CDC16: variants seen among roughly 807,000 people sequenced by gnomAD.
CDC16 encodes the protein cell division cycle protein 16 homolog.
In CDC16, 34 loss-of-function variants were observed where a neutral mutation model predicts 87.0. The ratio of observed to expected loss-of-function variants is 0.39; its 90% CI spans 0.30 to 0.52. The LOEUF (loss-of-function observed/expected upper bound fraction) is 0.52, where lower values mean the gene tolerates loss of function less well. Ranked by LOEUF, CDC16 falls within the 20% of genes least tolerant of loss-of-function variation. CDC16 has a pLI of 0.74. For synonymous variants in CDC16, 263 were observed against 260.6 expected (o/e 1.01, Z -0.09); for missense variants, 653 against 751.9 (o/e 0.87, Z 1.54).
rs764191977 is a variant in CDC16, at chr13:114,236,793, C to A, written c.104-6C>A. Reference sequence around the variant, plus strand: ...TCTGACCACTTATGTGAATTTTTCCCTCCAGAAGAACCCCAGGACATCTAT... The same window carrying A: ...TCTGACCACTTATGTGAATTTTTCCATCCAGAAGAACCCCAGGACATCTAT... On this transcript the variant is annotated splice_polypyrimidine_tract_variant and splice_region_variant and intron_variant, in intron 2 of 17. Transcript: ENST00000356221. 1 of 1,613,100 alleles carries A rather than the reference C, an allele frequency of 6.2e-7. No individual in the cohort carries two copies.
intron 16 of CDC16, chr13:114,264,747 G>C (rs959163180): frequency 3.5e-5 from 6 of 173,344 alleles, no homozygotes; most frequent in Admixed American, 3.4e-4. Context: ...TAGGATTACA[G>C]GCACCTGCTA....
At chr13:114,243,061 G>A (rs557102924) in intron 6 of CDC16, among the ~76,000 whole-genome samples, 196 bp from the exon 7 acceptor site, 3 of 152,154 alleles carry the variant, frequency 2.0e-5, no homozygotes, top group African/African-American at 4.8e-5. Context: ...TGAAAGAGTA[G>A]CCTCCACCCA....
intron 3 of CDC16, among the ~76,000 whole-genome samples, chr13:114,237,269 G>C (rs1457745001): frequency 6.6e-6 from 1 of 151,370 alleles, no homozygotes; most frequent in Non-Finnish European, 1.5e-5. Context: ...TTCCATTTCT[G>C]TTGAAATTAT....
rs761970219 is a variant in CDC16, at chr13:114,238,992, G to A, written c.204G>A (p.Leu68=). ...HALRSRKLDK[L]YEACRYLAAR... The stretch of plus-strand genomic sequence containing the variant: ...AAACAAATTAATTTCTTTCCTAGTT[G>A]TATGAAGCATGTCGTTACCTTGCAG... The change falls in exon 4 of 18, where the codon TTG becomes TTA. Residue 68 remains leucine (L), a splice_region_variant and synonymous_variant. Transcript: ENST00000356221. The A allele has an allele frequency of 2.0e-5, 32 of 1,610,760 alleles. No individual in the cohort carries two copies. The highest frequency in any genetic ancestry group is 2.4e-5 in the Non-Finnish European group (28 of 1,178,080).
chr13:114,245,271 C>CTT (rs57962178), intron 9 of CDC16, among the ~76,000 whole-genome samples: 3 of 141,862 alleles, frequency 2.1e-5, no homozygotes, highest in East Asian at 2.2e-4. Flanking sequence ...CTCCCCCCCC[C>CTT]TTTTTTTTTT....
Position 114,242,419 on chromosome 13 carries a change from A to C in CDC16, c.541+139A>C, listed in dbSNP as rs2081598364. The stretch of plus-strand genomic sequence containing the variant: ...CTACTCACTTTCTTAATGTCTTCAA[A>C]TGTAAAGCACGTTGCAGAATGCAGT... On this transcript the variant is annotated intron_variant, in intron 6 of 17. Coordinates refer to ENST00000356221, the MANE Select transcript of CDC16 (RefSeq NM_001078645.3). 8 of 743,414 alleles carry C rather than the reference A, an allele frequency of 1.1e-5. 1 individual carries two copies. In the South Asian group the frequency reaches 1.5e-4, roughly 14 times the overall value. The allele number at this position is 743,414 out of a possible 1,614,324, so 46.1% of individuals were successfully genotyped here.
At chr13:114,239,685 C>A (rs756866251) in intron 5 of CDC16, among the ~76,000 whole-genome samples, 195 bp downstream of exon 5, 1 of 152,134 alleles carries the variant, frequency 6.6e-6, no homozygotes, top group Non-Finnish European at 1.5e-5. Context: ...TAATTGTATC[C>A]GCAGATGCCT....
In CDC16 at chr13:114,247,103, G is replaced by C. The variant is rs951876657; in HGVS notation, c.971+99G>C. 6.9e-6 allele frequency: 5 copies of C among 724,340 alleles called. No individual in the cohort carries two copies. The South Asian group carries it at 8.1e-5, about 12-fold the overall frequency. The allele number at this position is 724,340 out of a possible 1,614,324, so 44.9% of individuals were successfully genotyped here. A position where few individuals can be genotyped will look rare whatever the true frequency, so the allele number is the denominator to read the frequency against. ...TTAGTGAGTACTTTAAAAGCAATGT[G>C]AAAGAATAAATGTTTTTTTTTTTCT... On this transcript the variant is annotated intron_variant, in intron 11 of 17. Coordinates refer to ENST00000356221, the MANE Select transcript of CDC16 (RefSeq NM_001078645.3).
intron 11 of CDC16, among the ~76,000 whole-genome samples, chr13:114,249,520 A>G (rs2082049320): frequency 6.6e-6 from 1 of 152,146 alleles, no homozygotes; most frequent in African/African-American, 2.4e-5. Context: ...AACTTAAAAT[A>G]CAAGGAAGTA....
intron 17 of CDC16, 29 bp from the exon 18 acceptor site, chr13:114,272,153 ATT>A (rs2139250273): frequency 1.6e-6 from 2 of 1,234,442 alleles, no homozygotes; most frequent in Non-Finnish European, 2.3e-6. Flanking sequence ...GGAATTTCTT[ATT>A]TTATTCTAAT....
intron 11 of CDC16, chr13:114,247,323 T>C (rs2081926254): frequency 4.2e-6 from 1 of 240,546 alleles, no homozygotes; most frequent in South Asian, 6.9e-5. Flanking sequence ...CATGCCTAGC[T>C]GATTTAAACA....
Position 114,256,679 on chromosome 13 carries a change from C to T in CDC16, c.1098-399C>T, listed in dbSNP as rs139964121. Among the ~76,000 whole-genome samples, 28 of 152,246 alleles carry T rather than the reference C, an allele frequency of 1.8e-4. No homozygotes were observed. In the East Asian group the frequency reaches 5.0e-3, roughly 27 times the overall value. ...ATGTTAGAAAAGTCAGAGGTAGCTTCATAAAGGGAAGTAGAAGTTGAACCC... is the reference window on the plus strand; with the variant it reads ...ATGTTAGAAAAGTCAGAGGTAGCTTTATAAAGGGAAGTAGAAGTTGAACCC... On this transcript the variant is annotated intron_variant, in intron 12 of 17. Coordinates refer to ENST00000356221, the MANE Select transcript of CDC16 (RefSeq NM_001078645.3).
intron 11 of CDC16, among the ~76,000 whole-genome samples, chr13:114,248,252 A>G (rs2081974609): frequency 6.6e-6 from 1 of 152,230 alleles, no homozygotes; most frequent in African/African-American, 2.4e-5. Context: ...TCTTCCGTGC[A>G]AATAAAACAG....
rs541012768 is a variant in CDC16 at position 114,241,234 on chromosome 13, A to AGT, written c.382-886_382-885dup. Among the ~76,000 whole-genome samples the AGT allele has an allele frequency of 6.6e-5, 10 of 152,346 alleles. No homozygotes were observed. The South Asian group carries it at 2.1e-3, about 32-fold the overall frequency. ...CCTCACAGACTTCTATAAGTTAGAT[A>AGT]GTAAAGAGTTCTATAAGTTAGATAG... On this transcript the variant is annotated intron_variant, in intron 5 of 17. Transcript: ENST00000356221.
chr13:114,245,088 C>T, intron 9 of CDC16, 119 bp downstream of exon 9: 4 of 559,734 alleles, frequency 7.1e-6, no homozygotes, highest in South Asian at 5.0e-5. Flanking sequence ...CATAATGGAA[C>T]CCTACTATAA....
intron 15 of CDC16, 56 bp from the exon 16 acceptor site, chr13:114,262,823 T>TA (rs2082936364): frequency 6.3e-7 from 1 of 1,593,496 alleles, no homozygotes; most frequent in Non-Finnish European, 8.6e-7. Flanking sequence ...TTGCTCATCT[T>TA]AGACTTAGGA....
intron 5 of CDC16, among the ~76,000 whole-genome samples, chr13:114,240,513 T>C (rs1322022671): frequency 6.6e-6 from 1 of 152,024 alleles, no homozygotes; most frequent in African/African-American, 2.4e-5. Context: ...CCGGCACAGT[T>C]GGCTAAATTT....
chr13:114,266,846 T>TGC (rs1418960210), intron 17 of CDC16, among the ~76,000 whole-genome samples: 1 of 151,920 alleles, frequency 6.6e-6, no homozygotes, highest in Non-Finnish European at 1.5e-5. Flanking sequence ...CAGGCACCCA[T>TGC]CACCACGCCC....
intron 3 of CDC16, among the ~76,000 whole-genome samples, chr13:114,238,283 G>A (rs563604464): frequency 6.8e-6 from 1 of 148,062 alleles, no homozygotes; most frequent in Non-Finnish European, 1.5e-5. Flanking sequence ...TGGAGCTGCT[G>A]TGAGCTCCTC....
Sources: gnomAD v4.1 joint callset for allele counts (sites outside exome capture counted in the v4.1 genomes callset) on GRCh38, gnomAD v4.1.1 for gene constraint, MANE v1.5 for transcripts, NCBI Gene and HGNC (gene_info 2026-07-23, HGNC 2026-07-21) for gene names.